Variants in UBE2D3 observed in about 807,000 individuals in gnomAD.
UBE2D3 encodes the protein ubiquitin-conjugating enzyme E2 D3.
Under a neutral mutation model 22.8 loss-of-function variants are expected in UBE2D3, and 2 were observed. The observed-to-expected ratio is 0.09, with a 90% CI of 0.04 to 0.28. The LOEUF is 0.28. Ranked by LOEUF, UBE2D3 falls within the 10% of genes least tolerant of loss-of-function variation. UBE2D3 has a pLI of 1.00. For missense variants in UBE2D3, 27 were observed against 182.5 expected (o/e 0.15, Z 4.91); for synonymous variants, 56 against 60.4 (o/e 0.93, Z 0.34).
At chr4:102,853,428 T>C (rs1240519041) in intron 1 of UBE2D3, among the ~76,000 whole-genome samples, 1 of 152,126 alleles carries the variant, frequency 6.6e-6, no homozygotes, top group Non-Finnish European at 1.5e-5. Context: ...CTGAAAACAA[T>C]GTCCATGTCC....
chr4:102,838,627 CT>C (rs1468167850), intron 1 of UBE2D3, among the ~76,000 whole-genome samples: 1 of 151,952 alleles, frequency 6.6e-6, no homozygotes, highest in African/African-American at 2.4e-5. Flanking sequence ...CTTGTAACAC[CT>C]AGTTTTCTTG....
chr4:102,809,739 T>C (rs1038381084), intron 3 of UBE2D3, 36 bp from the exon 4 acceptor site: 2 of 1,613,138 alleles, frequency 1.2e-6, no homozygotes, highest in Non-Finnish European at 1.7e-6. Context: ...TATCTAAAAA[T>C]GCACAAGCTT....
rs1272688411 is a variant in UBE2D3 at position 102,796,403 on chromosome 4, C to G, written c.*1012G>C. ...CTTATTAATTCTGCATAAATCAGGT[C>G]AAGCAATGTGTCAACCTGTAACAGA... On this transcript the variant is annotated 3_prime_UTR_variant, in exon 8 of 8. Transcript: ENST00000453744. The G allele has an allele frequency of 6.6e-6, 1 of 152,446 alleles. No individual in the cohort carries two copies. Among genetic ancestry groups the G allele is most frequent in the Non-Finnish European group, 1.5e-5 (1 of 67,906 alleles). 9.4% of individuals were successfully genotyped at this position (152,446 alleles called of 1,614,324 possible).
intron 2 of UBE2D3, among the ~76,000 whole-genome samples, chr4:102,823,305 C>T (rs1729924666): frequency 6.6e-6 from 1 of 152,184 alleles, no homozygotes; most frequent in Non-Finnish European, 1.5e-5. Flanking sequence ...CCTGGGTCAT[C>T]TTCTTAACCT....
chr4:102,819,295 A>G (rs939464667), intron 2 of UBE2D3, among the ~76,000 whole-genome samples: 4 of 150,558 alleles, frequency 2.7e-5, no homozygotes, highest in Admixed American at 1.3e-4. Flanking sequence ...GCGCCACTGC[A>G]CTCTAGCCTG....
At chr4:102,829,159 G>C (rs223385), upstream of UBE2D3, among the ~76,000 whole-genome samples, 1 of 151,924 alleles carries the variant, frequency 6.6e-6, no homozygotes, top group African/African-American at 2.4e-5. Flanking sequence ...TGTTGAAAAT[G>C]CGACTTTGAT....
intron 4 of UBE2D3, among the ~76,000 whole-genome samples, chr4:102,808,738 T>C (rs529095567): frequency 6.6e-6 from 1 of 152,302 alleles, no homozygotes; most frequent in Non-Finnish European, 1.5e-5. Flanking sequence ...TTATGTTCAA[T>C]TTGTATCCTT....
At chr4:102,860,723 T>C (rs950641278) in intron 1 of UBE2D3, among the ~76,000 whole-genome samples, 3 of 151,864 alleles carry the variant, frequency 2.0e-5, no homozygotes, top group Non-Finnish European at 4.4e-5. Flanking sequence ...GTGTTCAAGG[T>C]TGTGTGCTTT....
At chr4:102,830,184 G>A (rs1482260716), upstream of UBE2D3, among the ~76,000 whole-genome samples, 1 of 152,166 alleles carries the variant, frequency 6.6e-6, no homozygotes, top group Non-Finnish European at 1.5e-5. Flanking sequence ...CTAAGATTAA[G>A]TTAAATTTTA....
At chr4:102,847,306 G>A (rs1357532028) in intron 1 of UBE2D3, among the ~76,000 whole-genome samples, 1 of 152,054 alleles carries the variant, frequency 6.6e-6, no homozygotes, top group Non-Finnish European at 1.5e-5. Flanking sequence ...TGTTGTTTAT[G>A]ATAGTGTCTC....
At chr4:102,840,160 T>C (rs976374029) in intron 1 of UBE2D3, among the ~76,000 whole-genome samples, 2 of 152,196 alleles carry the variant, frequency 1.3e-5, no homozygotes, top group South Asian at 2.1e-4. Flanking sequence ...GTCAGTGGGA[T>C]TGTAAATTAA....
intron 1 of UBE2D3, among the ~76,000 whole-genome samples, chr4:102,838,661 C>A (rs1731557877): frequency 6.6e-6 from 1 of 151,824 alleles, no homozygotes; most frequent in African/African-American, 2.4e-5. Context: ...TTCCTTACTT[C>A]CAAATTCTCT....
At chr4:102,846,266 C>T (rs1732037069) in intron 1 of UBE2D3, among the ~76,000 whole-genome samples, 1 of 152,182 alleles carries the variant, frequency 6.6e-6, no homozygotes, top group Non-Finnish European at 1.5e-5. Context: ...TCATTGCATT[C>T]CTTAATGACA....
intron 1 of UBE2D3, among the ~76,000 whole-genome samples, chr4:102,864,029 G>A (rs1324357056): frequency 6.6e-6 from 1 of 152,088 alleles, no homozygotes; most frequent in Admixed American, 6.5e-5. Flanking sequence ...AGTTGATAAT[G>A]AGGTAAAAAA....
intron 2 of UBE2D3, among the ~76,000 whole-genome samples, chr4:102,817,947 C>A (rs1318926067): frequency 1.3e-5 from 2 of 152,106 alleles, no homozygotes; most frequent in Non-Finnish European, 1.5e-5. Flanking sequence ...GACAAAAACA[C>A]TAAAAAATTA....
At chr4:102,868,072 C>CTTTTTTTTTTTTTTTTTTTTTT (rs11418599) in intron 1 of UBE2D3, among the ~76,000 whole-genome samples, 2 of 115,278 alleles carry the variant, frequency 1.7e-5, no homozygotes, top group African/African-American at 7.1e-5. Context: ...GCTTTAGATT[C>CTTTTTTTTTTTTTTTTTTTTTT]TTTTTTTTTT....
intron 1 of UBE2D3, among the ~76,000 whole-genome samples, chr4:102,846,504 A>C (rs554931185): frequency 1.7e-4 from 26 of 152,358 alleles, no homozygotes; most frequent in Non-Finnish European, 2.8e-4. Context: ...TATGCTGTCC[A>C]AGTTTCTGCT....
At chr4:102,830,697 C>T (rs1331229767), upstream of UBE2D3, among the ~76,000 whole-genome samples, 1 of 152,146 alleles carries the variant, frequency 6.6e-6, no homozygotes, top group East Asian at 1.9e-4. Context: ...GACCCAGTCT[C>T]TACAAAAATA....
chr4:102,814,769 A>G (rs952239140), intron 2 of UBE2D3, among the ~76,000 whole-genome samples: 9 of 152,114 alleles, frequency 5.9e-5, no homozygotes, highest in African/African-American at 2.2e-4. Context: ...CTCTTAATTC[A>G]TCTGTTACTG....
Sources: allele counts gnomAD v4.1 joint callset (sites outside exome capture counted in the v4.1 genomes callset), GRCh38; gene constraint gnomAD v4.1.1; transcripts MANE v1.5; gene names NCBI Gene and HGNC (gene_info 2026-07-23, HGNC 2026-07-21).